Variants in ZMYND8 observed in about 807,000 individuals in gnomAD.
ZMYND8 encodes the protein MYND-type zinc finger-containing chromatin reader ZMYND8.
In ZMYND8, 37 loss-of-function variants were observed where a neutral mutation model predicts 140.8. The ratio of observed to expected loss-of-function variants is 0.26; its 90% CI spans 0.20 to 0.35. The LOEUF (loss-of-function observed/expected upper bound fraction) is 0.35, where lower values mean the gene tolerates loss of function less well. Ranked by LOEUF, ZMYND8 falls within the 10% of genes least tolerant of loss-of-function variation. The probability of loss-of-function intolerance (pLI) is 1.00; values close to 1 mark genes in which losing one functional copy is unlikely to be tolerated. For missense variants in ZMYND8, 1,068 were observed against 1,570.0 expected (o/e 0.68, Z 5.40); for synonymous variants, 592 against 597.1 (o/e 0.99, Z 0.12).
At chr20:47,223,843 G>A (rs947025922) in intron 19 of ZMYND8, among the ~76,000 whole-genome samples, 11 of 148,878 alleles carry the variant, frequency 7.4e-5, no homozygotes, top group African/African-American at 5.0e-5. Flanking sequence ...AAAAAAAAAA[G>A]GATAAATTCT....
intron 3 of ZMYND8, among the ~76,000 whole-genome samples, chr20:47,302,998 G>T (rs1190859272): frequency 6.6e-6 from 1 of 152,134 alleles, no homozygotes; most frequent in South Asian, 2.1e-4. Context: ...CTAGATTCCA[G>T]TAATACTCTA....
Position 47,338,626 on chromosome 20 carries a change from G to A in ZMYND8, c.85+9230C>T, listed in dbSNP as rs547557203. Among the ~76,000 whole-genome samples, 11 of 152,116 alleles carry A rather than the reference G, an allele frequency of 7.2e-5. No homozygotes were observed. The South Asian group carries it at 1.5e-3, about 20-fold the overall frequency. On this transcript the variant is annotated intron_variant, in intron 2 of 22. Coordinates refer to ENST00000471951, the MANE Select transcript of ZMYND8 (RefSeq NM_001281775.3). ...TTTGAATATTAAGCCAAGTGGCTCCGGCAGAAAGGTGCTCTGGAAACAGAA... is the reference window on the plus strand; with the variant it reads ...TTTGAATATTAAGCCAAGTGGCTCCAGCAGAAAGGTGCTCTGGAAACAGAA...
intron 2 of ZMYND8, among the ~76,000 whole-genome samples, chr20:47,323,736 C>T (rs946293286): frequency 6.6e-6 from 1 of 152,100 alleles, no homozygotes; most frequent in Non-Finnish European, 1.5e-5. Context: ...CCCCACCCCA[C>T]CTCCACTGAC....
intron 4 of ZMYND8, among the ~76,000 whole-genome samples, chr20:47,297,463 C>T (rs1208769368): frequency 6.6e-6 from 1 of 151,874 alleles, no homozygotes; most frequent in African/African-American, 2.4e-5. Flanking sequence ...GCTTTATTTC[C>T]CAGGATAGAA....
At chr20:47,276,906 CTAT>C in intron 10 of ZMYND8, 111 bp from the exon 11 acceptor site, 1 of 571,470 alleles carries the variant, frequency 1.7e-6, no homozygotes, top group Non-Finnish European at 2.4e-6. Flanking sequence ...GATTCTTATT[CTAT>C]TAAAAAAAAA....
chr20:47,255,760 AT>A, intron 12 of ZMYND8, among the ~76,000 whole-genome samples: 1 of 91,916 alleles, frequency 1.1e-5, no homozygotes, highest in Non-Finnish European at 2.0e-5. Context: ...ATATATATAT[AT>A]ATACGGTATA....
intron 2 of ZMYND8, chr20:47,320,781 G>T (rs1433615820): frequency 6.6e-6 from 1 of 152,198 alleles, no homozygotes; most frequent in Non-Finnish European, 1.5e-5. Context: ...GTGATTCTAA[G>T]AACATGTCCT....
intron 2 of ZMYND8, among the ~76,000 whole-genome samples, chr20:47,323,733 C>T (rs2080160743): frequency 6.6e-6 from 1 of 152,122 alleles, no homozygotes; most frequent in Non-Finnish European, 1.5e-5. Flanking sequence ...CAGCCCCACC[C>T]CACCTCCACT....
chr20:47,265,281 T>C lies in ZMYND8; in HGVS notation c.1481-2853A>G, dbSNP rs116900590. On this transcript the variant is annotated intron_variant, in intron 11 of 22. Coordinates refer to ENST00000471951, the MANE Select transcript of ZMYND8 (RefSeq NM_001281775.3). ...TCTAACAGGGAGGGCCTTACTATAC[T>C]ATCAAATACCCTGCTTGGGACTGCA... Among the ~76,000 whole-genome samples the C allele has an allele frequency of 6.6e-3, 1,005 of 152,150 alleles. 4 individuals are homozygous for C. The highest frequency in any genetic ancestry group is 9.9e-3 in the Non-Finnish European group (670 of 68,006).
chr20:47,355,439 G>C (rs923129525), intron 1 of ZMYND8: 1 of 985,124 alleles, frequency 1.0e-6, no homozygotes, highest in African/African-American at 1.7e-5. Context: ...GAAATGGATT[G>C]CTTTACTTAC....
In ZMYND8 at chr20:47,228,108, A is replaced by T. The variant is rs1016076445; in HGVS notation, c.2938-827T>A. 3.4e-3 allele frequency among the ~76,000 whole-genome samples: 509 copies of T among 150,532 alleles called. 2 individuals are homozygous for T. The highest frequency in any genetic ancestry group is 4.1e-3 in the Non-Finnish European group (280 of 67,786). On this transcript the variant is annotated intron_variant, in intron 17 of 22. Transcript: ENST00000471951. ...ACTCTTCTCAAAAAAAAAAAAAAAAATTTAATTTAAAAAATAATAATAAAC... is the reference window on the plus strand; with the variant it reads ...ACTCTTCTCAAAAAAAAAAAAAAAATTTTAATTTAAAAAATAATAATAAAC...
chr20:47,282,846 A>G (rs773438088), intron 9 of ZMYND8, among the ~76,000 whole-genome samples: 1 of 152,330 alleles, frequency 6.6e-6, no homozygotes, highest in Non-Finnish European at 1.5e-5. Context: ...CACAGAGACA[A>G]TGACACCAAT....
At chr20:47,293,074 A>G (rs552146714) in intron 5 of ZMYND8, among the ~76,000 whole-genome samples, 2 of 135,830 alleles carry the variant, frequency 1.5e-5, no homozygotes, top group Admixed American at 7.5e-5. Context: ...AAAGGAAGGA[A>G]GGGAGGGAGG....
At chr20:47,316,363 G>A (rs981205725) in intron 2 of ZMYND8, among the ~76,000 whole-genome samples, 1 of 151,152 alleles carries the variant, frequency 6.6e-6, no homozygotes, top group African/African-American at 2.4e-5. Context: ...AAGCATATGA[G>A]GAGATCCTTC....
Position 47,296,002 on chromosome 20 carries a change from G to A in ZMYND8, c.454-1223C>T, listed in dbSNP as rs139822346. Among the ~76,000 whole-genome samples the A allele has an allele frequency of 2.0e-5, 3 of 152,190 alleles. No individual in the cohort carries two copies. The East Asian group carries it at 5.8e-4, about 29-fold the overall frequency. Reference sequence around the variant, plus strand: ...TCTCAGATGTGTCTCGTTGGTTGTCGAGGAAAAGGCCAACACAAGAGTCAC... The same window carrying A: ...TCTCAGATGTGTCTCGTTGGTTGTCAAGGAAAAGGCCAACACAAGAGTCAC... On this transcript the variant is annotated intron_variant, in intron 4 of 22. Transcript: ENST00000471951.
At chr20:47,266,991 G>C (rs954142235) in intron 11 of ZMYND8, among the ~76,000 whole-genome samples, 2 of 152,204 alleles carry the variant, frequency 1.3e-5, no homozygotes, top group African/African-American at 4.8e-5. Flanking sequence ...CAATAGGCAA[G>C]AGGTAGAAAC....
intron 4 of ZMYND8, among the ~76,000 whole-genome samples, chr20:47,295,043 CAG>C (rs1322642026): frequency 2.6e-5 from 4 of 152,196 alleles, no homozygotes; most frequent in Non-Finnish European, 5.9e-5. Context: ...TGTGGCTAAA[CAG>C]GGGCCTGAAA....
chr20:47,332,627 T>C (rs745857955), intron 2 of ZMYND8, among the ~76,000 whole-genome samples: 8 of 152,160 alleles, frequency 5.3e-5, no homozygotes, highest in Non-Finnish European at 1.2e-4. Context: ...GGAGGATTGC[T>C]TGAGCCCAGA....
Position 47,294,194 on chromosome 20 carries a change from A to C in ZMYND8, c.567+472T>G, listed in dbSNP as rs918578621. The stretch of plus-strand genomic sequence containing the variant: ...GAAACCCCATCTCTACTAAAAATAC[A>C]AAAAAAAAAATAGCCAGTGCGGTGG... On this transcript the variant is annotated intron_variant, in intron 5 of 22. Coordinates refer to ENST00000471951, the MANE Select transcript of ZMYND8 (RefSeq NM_001281775.3). Among the ~76,000 whole-genome samples the C allele has an allele frequency of 1.4e-4, 11 of 78,718 alleles. No homozygotes were observed. In the South Asian group the frequency reaches 2.9e-3, roughly 21 times the overall value. The allele number at this position is 78,718 out of a possible 152,430, so 51.6% of individuals were successfully genotyped here. A position where few individuals can be genotyped will look rare whatever the true frequency, so the allele number is the denominator to read the frequency against.
Sources: gnomAD v4.1 joint callset for allele counts (sites outside exome capture counted in the v4.1 genomes callset) on GRCh38, gnomAD v4.1.1 for gene constraint, MANE v1.5 for transcripts, NCBI Gene and HGNC (gene_info 2026-07-23, HGNC 2026-07-21) for gene names.